The following NPTN variants were observed in gnomAD, a reference collection of about 807,000 sequenced individuals.
NPTN encodes SDR-1.
A neutral mutation model predicts 42.7 loss-of-function variants in NPTN; 5 were observed. That is an observed-to-expected ratio of 0.12 (90% CI 0.06 to 0.25). NPTN has a LOEUF of 0.25. Ranked by LOEUF, NPTN falls within the 10% of genes least tolerant of loss-of-function variation. The pLI, the probability that NPTN is intolerant of heterozygous loss-of-function variation, is 1.00. For missense variants in NPTN, 307 were observed against 525.4 expected (o/e 0.58, Z 4.06); for synonymous variants, 180 against 201.9 (o/e 0.89, Z 0.92).
At chr15:73,625,492 T>G (rs1202360649) in intron 1 of NPTN, among the ~76,000 whole-genome samples, 2 of 152,004 alleles carry the variant, frequency 1.3e-5, no homozygotes, top group African/African-American at 4.8e-5. Context: ...CGACCACCCC[T>G]GGCTGATTTT....
chr15:73,584,051 A>C (rs915530133), intron 4 of NPTN, among the ~76,000 whole-genome samples: 2 of 152,208 alleles, frequency 1.3e-5, no homozygotes, highest in African/African-American at 2.4e-5. Flanking sequence ...GGAGGAGAAA[A>C]ACAAGATCAA....
At chr15:73,628,066 A>T (rs1898522860) in intron 1 of NPTN, among the ~76,000 whole-genome samples, 1 of 152,210 alleles carries the variant, frequency 6.6e-6, no homozygotes, top group Non-Finnish European at 1.5e-5. Context: ...AAGGTGCTTA[A>T]AATTAAACTC....
At position 73,560,817 on chromosome 15, in the gene NPTN, G is replaced by GAAA. The variant is rs911859812; in HGVS notation, c.*243_*245dup. 6.9e-6 allele frequency: 1 copy of GAAA among 145,244 alleles called. No homozygotes were observed. Among genetic ancestry groups the GAAA allele is most frequent in the Admixed American group, 6.9e-5 (1 of 14,484 alleles). 9.0% of individuals were successfully genotyped at this position (145,244 alleles called of 1,614,324 possible). A position where few individuals can be genotyped will look rare whatever the true frequency, so the allele number is the denominator to read the frequency against. On this transcript the variant is annotated 3_prime_UTR_variant, in exon 9 of 9. Transcript: ENST00000345330. ...CTTCTATTTAAATATTTTAACAAAG[G>GAAA]AAAAAAAAAAGCAACATTCACAGCA...
At chr15:73,562,088 T>C in intron 7 of NPTN, 118 bp from the exon 8 acceptor site, 1 of 756,260 alleles carries the variant, frequency 1.3e-6, no homozygotes, top group Non-Finnish European at 2.3e-6. Flanking sequence ...GTGAGAAATT[T>C]TGTGGCACAA....
chr15:73,593,395 T>C (rs1485667387), intron 2 of NPTN, among the ~76,000 whole-genome samples: 1 of 152,078 alleles, frequency 6.6e-6, no homozygotes, highest in Non-Finnish European at 1.5e-5. Flanking sequence ...CAATAAGAGG[T>C]ATTTGCTGTT....
chr15:73,564,569 A>T (rs1238557125), intron 6 of NPTN, among the ~76,000 whole-genome samples: 4 of 152,212 alleles, frequency 2.6e-5, no homozygotes, highest in Non-Finnish European at 5.9e-5. Context: ...GTCCACTACT[A>T]ACAACAGTAT....
intron 8 of NPTN, 45 bp downstream of exon 8, chr15:73,561,851 C>T (rs1894689223): frequency 7.4e-7 from 1 of 1,352,400 alleles, no homozygotes; most frequent in South Asian, 1.2e-5. Context: ...GAGGCACATT[C>T]ATTTGAATAT....
At chr15:73,623,584 A>C (rs1260916513) in intron 1 of NPTN, among the ~76,000 whole-genome samples, 9 of 152,050 alleles carry the variant, frequency 5.9e-5, no homozygotes, top group Non-Finnish European at 1.3e-4. Context: ...CTACTTGGAA[A>C]GCTGAGGCAG....
At chr15:73,593,087 C>T (rs1896674726) in intron 2 of NPTN, among the ~76,000 whole-genome samples, 2 of 152,152 alleles carry the variant, frequency 1.3e-5, no homozygotes, top group Non-Finnish European at 2.9e-5. Context: ...ACTTCACCTT[C>T]TGATTCTATT....
Position 73,569,169 on chromosome 15 carries a change from G to A in NPTN, c.1114+981C>T, listed in dbSNP as rs1234144098. 1.0e-6 allele frequency: 1 copy of A among 985,362 alleles called. No individual in the cohort carries two copies. Among genetic ancestry groups the A allele is most frequent in the Non-Finnish European group, 1.2e-6 (1 of 829,982 alleles). The allele number at this position is 985,362 out of a possible 1,614,324, so 61.0% of individuals were successfully genotyped here. A position where few individuals can be genotyped will look rare whatever the true frequency, so the allele number is the denominator to read the frequency against. On this transcript the variant is annotated intron_variant, in intron 6 of 8. Coordinates refer to ENST00000345330, the MANE Select transcript of NPTN (RefSeq NM_012428.4). This position sits in a 1 kb window ranked among gnomAD's most constrained non-coding sequence, Gnocchi z 4.1. ...TAGTCTAGCCAGGGACAGACTAGTG[G>A]TGGTAACAGTCGGCCAATTAATTTC...
At chr15:73,589,532 G>C (rs1566971355) in intron 3 of NPTN, among the ~76,000 whole-genome samples, 1 of 152,060 alleles carries the variant, frequency 6.6e-6, no homozygotes, top group Non-Finnish European at 1.5e-5. Context: ...AAAAACATCA[G>C]CCTCCAGATG....
intron 1 of NPTN, 73 bp downstream of exon 1, chr15:73,633,052 G>T: frequency 1.8e-6 from 2 of 1,114,160 alleles, no homozygotes; most frequent in East Asian, 3.2e-5. Context: ...CGTCTCCTCA[G>T]GCCAGAGCCG....
At chr15:73,580,414 T>C (rs1028847471) in intron 4 of NPTN, among the ~76,000 whole-genome samples, 20 of 112,594 alleles carry the variant, frequency 1.8e-4, no homozygotes, top group African/African-American at 6.7e-4. Context: ...ATATATAATA[T>C]ATATATAATA....
At chr15:73,612,289 A>G (rs1007481765) in intron 1 of NPTN, among the ~76,000 whole-genome samples, 2 of 152,002 alleles carry the variant, frequency 1.3e-5, no homozygotes, top group Non-Finnish European at 2.9e-5. Context: ...GCATGGTGGT[A>G]TGTACCTATA....
At chr15:73,601,484 A>T (rs1897082825) in intron 1 of NPTN, among the ~76,000 whole-genome samples, 1 of 152,238 alleles carries the variant, frequency 6.6e-6, no homozygotes, top group Non-Finnish European at 1.5e-5. Context: ...GGCTCTCAGC[A>T]GCAGCAGCAG....
At chr15:73,629,337 C>T (rs892255102) in intron 1 of NPTN, among the ~76,000 whole-genome samples, 3 of 152,170 alleles carry the variant, frequency 2.0e-5, no homozygotes, top group Admixed American at 6.5e-5. Flanking sequence ...TTCGGCATGT[C>T]ATTTGTGCCA....
rs1555408012 is a variant in NPTN, at chr15:73,580,441, A to ATAATATATATT, written c.707-6647_707-6646insAATATATATTA. Among the ~76,000 whole-genome samples, 59 of 113,882 alleles carry ATAATATATATT rather than the reference A, an allele frequency of 5.2e-4. 1 individual carries two copies. Among genetic ancestry groups the ATAATATATATT allele is most frequent in the African/African-American group, 2.1e-3 (51 of 24,126 alleles). 74.7% of individuals were successfully genotyped at this position (113,882 alleles called of 152,430 possible). Reference sequence around the variant, plus strand: ...TATATAATATATATATAATATATATAATATATATGTATATATACAAAATAT... The same window carrying ATAATATATATT: ...TATATAATATATATATAATATATATATAATATATATTATATATATGTATATATACAAAATAT... On this transcript the variant is annotated intron_variant, in intron 4 of 8. Coordinates refer to ENST00000345330, the MANE Select transcript of NPTN (RefSeq NM_012428.4).
At chr15:73,561,803 T>G in intron 8 of NPTN, 93 bp downstream of exon 8, 2 of 943,178 alleles carry the variant, frequency 2.1e-6, no homozygotes, top group Admixed American at 4.0e-5. Flanking sequence ...AAATATCTTA[T>G]AACACCAATT....
intron 1 of NPTN, among the ~76,000 whole-genome samples, chr15:73,617,385 A>AAT (rs1463660042): frequency 6.6e-6 from 1 of 152,048 alleles, no homozygotes; most frequent in Non-Finnish European, 1.5e-5. Flanking sequence ...AGCTGAATGA[A>AAT]ATAATTCAGT....
Sources: gnomAD v4.1 joint callset for allele counts (sites outside exome capture counted in the v4.1 genomes callset) on GRCh38, gnomAD v4.1.1 for gene constraint, Gnocchi (gnomAD v3.1) non-coding constraint, MANE v1.5 for transcripts, NCBI Gene and HGNC (gene_info 2026-07-23, HGNC 2026-07-21) for gene names.